The following SLC13A4 variants were observed in gnomAD, a reference collection of about 807,000 sequenced individuals.
SLC13A4 encodes Na(+)/sulfate cotransporter SUT-1.
Under a neutral mutation model 72.7 loss-of-function variants are expected in SLC13A4, and 28 were observed. That is an observed-to-expected ratio of 0.39 (90% CI 0.29 to 0.53). The LOEUF is 0.53. Among genes scored for constraint, SLC13A4 ranks in the 20% least tolerant of loss-of-function variants. The pLI is 0.78. For missense variants in SLC13A4, 653 were observed against 788.0 expected, an observed-to-expected ratio of 0.83 and a Z score of 2.05; for synonymous variants, 312 against 325.5, an observed-to-expected ratio of 0.96 and a Z score of 0.45.
intron 2 of SLC13A4, among the ~76,000 whole-genome samples, chr7:135,715,985 G>A (rs1796424931): frequency 6.6e-6 from 1 of 152,174 alleles, no homozygotes; most frequent in Admixed American, 6.5e-5. Context: ...TAGTGTATCT[G>A]GCATGGTCAT....
intron 2 of SLC13A4, among the ~76,000 whole-genome samples, chr7:135,711,271 GTGT>G (rs896215427): frequency 6.6e-6 from 1 of 152,068 alleles, no homozygotes; most frequent in Admixed American, 6.5e-5. Context: ...TGCGACTGGG[GTGT>G]CTTTCCCCAG....
intron 9 of SLC13A4, among the ~76,000 whole-genome samples, chr7:135,694,852 AT>A (rs1337374810): frequency 1.3e-5 from 2 of 152,262 alleles, no homozygotes; most frequent in Non-Finnish European, 2.9e-5. Context: ...ATAGCAAAAC[AT>A]TATATTATCT....
chr7:135,711,144 T>C (rs1420369750), intron 2 of SLC13A4, among the ~76,000 whole-genome samples: 1 of 152,150 alleles, frequency 6.6e-6, no homozygotes, highest in Non-Finnish European at 1.5e-5. Context: ...GTGGCACAAC[T>C]GGAGCTTTAT....
intron 1 of SLC13A4, among the ~76,000 whole-genome samples, chr7:135,725,363 G>A (rs1563174119): frequency 6.6e-6 from 1 of 152,188 alleles, no homozygotes; most frequent in South Asian, 2.1e-4. Context: ...AAAAAATTTA[G>A]CTTGGGCAGT....
chr7:135,721,496 C>CGATCAGCA lies in SLC13A4; in HGVS notation c.119_126dup (p.Val43CysfsTer2), dbSNP rs1563172475. The stretch of plus-strand genomic sequence containing the variant: ...TCCGACACCCAGTACACAGCAGTCA[C>CGATCAGCA]GATCAGCACGTAAGCACACGAGGCC... On this transcript the variant is annotated stop_gained and frameshift_variant, in exon 2 of 16. Coordinates refer to ENST00000682651, the MANE Select transcript of SLC13A4 (RefSeq NM_001318192.2). LOFTEE classifies it high-confidence loss of function. 6.2e-7 allele frequency: 1 copy of CGATCAGCA among 1,614,044 alleles called. No individual in the cohort carries two copies. The highest frequency in any genetic ancestry group is 1.7e-5 in the Admixed American group (1 of 60,018).
chr7:135,690,009 A>C (rs549841710), intron 13 of SLC13A4, among the ~76,000 whole-genome samples: 5 of 151,816 alleles, frequency 3.3e-5, no homozygotes, highest in Non-Finnish European at 7.4e-5. Context: ...GTGAAACTCC[A>C]TCTCTACTAA....
At chr7:135,682,423 G>A (rs975244316) in intron 15 of SLC13A4, among the ~76,000 whole-genome samples, 1 of 152,262 alleles carries the variant, frequency 6.6e-6, no homozygotes, top group Non-Finnish European at 1.5e-5. Flanking sequence ...TTCCCAAGGA[G>A]TAACCAGGCA....
Position 135,701,928 on chromosome 7 carries a change from C to A in SLC13A4, c.634-168G>T, listed in dbSNP as rs992324260. The A allele has an allele frequency of 2.8e-5, 16 of 567,728 alleles. No homozygotes were observed. In the African/African-American group the frequency reaches 3.1e-4, roughly 11 times the overall value. The allele number at this position is 567,728 out of a possible 1,614,324, so 35.2% of individuals were successfully genotyped here. On this transcript the variant is annotated intron_variant, in intron 6 of 15. Transcript: ENST00000682651. The stretch of plus-strand genomic sequence containing the variant: ...CACCAGGGCACCTCAGCCAGGCCTG[C>A]CCCGCCCAGCCTGGTGTCAAGTTCT...
chr7:135,686,266 A>G (rs1332208131), intron 13 of SLC13A4, among the ~76,000 whole-genome samples: 1 of 152,174 alleles, frequency 6.6e-6, no homozygotes, highest in East Asian at 1.9e-4. Flanking sequence ...ATTTCCACTT[A>G]GTGGAGAAGG....
intron 14 of SLC13A4, among the ~76,000 whole-genome samples, chr7:135,685,230 A>G (rs934584956): frequency 3.3e-5 from 5 of 152,192 alleles, no homozygotes; most frequent in African/African-American, 1.2e-4. Context: ...GGGTTTGAAT[A>G]TTATTTTGTA....
In SLC13A4 at chr7:135,683,450, A is replaced by T. The variant is rs1053963649; in HGVS notation, c.1746+674T>A. 4.1e-6 allele frequency: 4 copies of T among 984,836 alleles called. No homozygotes were observed. The African/African-American group carries it at 7.0e-5, about 17-fold the overall frequency. 61.0% of individuals were successfully genotyped at this position (984,836 alleles called of 1,614,324 possible). ...CATGAAAAAAAATTGTCAGACCATC[A>T]GTAATTCGTATCAGTGTTTTCCATC... On this transcript the variant is annotated intron_variant, in intron 15 of 15. Transcript: ENST00000682651.
At chr7:135,697,617 ATGAGTTTTCAAAACTATAAATC>A (rs1455688618) in intron 8 of SLC13A4, among the ~76,000 whole-genome samples, 3 of 150,686 alleles carry the variant, frequency 2.0e-5, no homozygotes, top group Non-Finnish European at 4.4e-5. Context: ...TTCATCCAGA[ATGAGTTTTCAAAACTATAAATC>A]TGACCATCTC....
chr7:135,705,851 G>T, intron 4 of SLC13A4: 1 of 595,794 alleles, frequency 1.7e-6, no homozygotes, highest in Non-Finnish European at 3.0e-6. Flanking sequence ...TGAGCATTTG[G>T]GGGCAAAGAG....
At chr7:135,709,731 T>G (rs1186793726) in intron 2 of SLC13A4, among the ~76,000 whole-genome samples, 1 of 152,208 alleles carries the variant, frequency 6.6e-6, no homozygotes, top group African/African-American at 2.4e-5. Flanking sequence ...TACATTCCAA[T>G]CAGACTTTGA....
At chr7:135,725,920 G>C (rs564934699) in intron 1 of SLC13A4, among the ~76,000 whole-genome samples, 1 of 152,270 alleles carries the variant, frequency 6.6e-6, no homozygotes, top group East Asian at 1.9e-4. Context: ...AGTGAGCTAC[G>C]ATTGTGCCAC....
chr7:135,694,194 C>T lies in SLC13A4; in HGVS notation c.1064G>A (p.Arg355Lys), dbSNP rs1389113787. 2 of 1,613,406 alleles carry T rather than the reference C, an allele frequency of 1.2e-6. No individual in the cohort carries two copies. The highest frequency in any genetic ancestry group is 2.2e-5 in the East Asian group (1 of 44,882). ...GATCCTCTTCTCTGACAACTGTTCC[C>T]TTTTGGTCTTCTTCTTCTTGCTCAG... ...CSLSKKKKTK[R>K]EQLSEKRIQE... The change falls in exon 10 of 16, where the codon AGG becomes AAG. Residue 355 changes from arginine (R) to lysine (K), a missense_variant. Arg to Lys is a conservative substitution (Grantham distance 26). Transcript: ENST00000682651.
intron 7 of SLC13A4, 59 bp downstream of exon 7, chr7:135,701,621 G>A (rs763769541): frequency 3.3e-6 from 5 of 1,536,828 alleles, no homozygotes; most frequent in Non-Finnish European, 4.5e-6. Context: ...CAGTGCCCTT[G>A]GGAAGCAGTT....
Position 135,719,807 on chromosome 7 carries a change from G to GTA in SLC13A4, c.228+1587_228+1588insTA, listed in dbSNP as rs1563171287. 3.8e-3 allele frequency among the ~76,000 whole-genome samples: 487 copies of GTA among 128,350 alleles called. 3 individuals are homozygous for GTA. Among genetic ancestry groups the GTA allele is most frequent in the African/African-American group, 0.01 (311 of 30,470 alleles). The allele number at this position is 128,350 out of a possible 152,430, so 84.2% of individuals were successfully genotyped here. On this transcript the variant is annotated intron_variant, in intron 2 of 15. Transcript: ENST00000682651. ...TGTGTGTGTGTGTGTGTGTGTATGT[G>GTA]TGTGTGTGTGTGTGTGTGTGTATAG...
chr7:135,685,999 C>G (rs369679457), intron 13 of SLC13A4, among the ~76,000 whole-genome samples: 1 of 152,366 alleles, frequency 6.6e-6, no homozygotes, highest in East Asian at 1.9e-4. Flanking sequence ...CTTTGCTCCT[C>G]AACTTCAGTC....
Sources: allele counts gnomAD v4.1 joint callset (sites outside exome capture counted in the v4.1 genomes callset), GRCh38; gene constraint gnomAD v4.1.1; transcripts MANE v1.5; gene names NCBI Gene and HGNC (gene_info 2026-07-23, HGNC 2026-07-21).